The following KIRREL3 variants were observed in gnomAD, a reference collection of about 807,000 sequenced individuals.
KIRREL3 encodes the protein kin of IRRE-like protein 3.
A neutral mutation model predicts 89.7 loss-of-function variants in KIRREL3; 36 were observed. The observed-to-expected ratio is 0.40, with a 90% CI of 0.31 to 0.53. The LOEUF (loss-of-function observed/expected upper bound fraction) is 0.53, where lower values mean the gene tolerates loss of function less well. Among genes scored for constraint, KIRREL3 ranks in the 20% least tolerant of loss-of-function variants. The probability of loss-of-function intolerance (pLI) is 0.49; values close to 1 mark genes in which losing one functional copy is unlikely to be tolerated. For missense variants in KIRREL3, 864 were observed against 1,056.6 expected, an observed-to-expected ratio of 0.82 and a Z score of 2.53; for synonymous variants, 445 against 441.4, an observed-to-expected ratio of 1.01 and a Z score of -0.10.
intron 5 of KIRREL3, among the ~76,000 whole-genome samples, chr11:126,464,155 T>C (rs1038986183): frequency 2.6e-5 from 4 of 151,996 alleles, no homozygotes; most frequent in Non-Finnish European, 1.5e-5. Context: ...GCTCTTGAGA[T>C]GAGGTCATAC....
At chr11:126,488,625 C>T (rs902350809) in intron 4 of KIRREL3, among the ~76,000 whole-genome samples, 3 of 152,196 alleles carry the variant, frequency 2.0e-5, no homozygotes, top group Non-Finnish European at 4.4e-5. Context: ...TGGAAGGAGC[C>T]GCGGCTTCCA....
At chr11:126,637,807 T>C (rs546285996) in intron 1 of KIRREL3, among the ~76,000 whole-genome samples, 1 of 152,292 alleles carries the variant, frequency 6.6e-6, no homozygotes, top group African/African-American at 2.4e-5. Flanking sequence ...CTAGGAAACA[T>C]TTACACAATG....
Position 126,486,537 on chromosome 11 carries a change from C to T in KIRREL3, c.434-13071G>A, listed in dbSNP as rs111821794. Reference sequence around the variant, plus strand: ...GCTCACAAAGCTCTCCAGCTGGTTTCGACCTTAACCTGATTTGGGGTCTCT... The same window carrying T: ...GCTCACAAAGCTCTCCAGCTGGTTTTGACCTTAACCTGATTTGGGGTCTCT... On this transcript the variant is annotated intron_variant, in intron 4 of 16. Transcript: ENST00000525144. This position sits in a 1 kb window ranked among gnomAD's most constrained non-coding sequence, Gnocchi z 6.2. Among the ~76,000 whole-genome samples, 225 of 152,358 alleles carry T rather than the reference C, an allele frequency of 1.5e-3. 3 individuals are homozygous for T. Among genetic ancestry groups the T allele is most frequent in the African/African-American group, 5.3e-3 (220 of 41,590 alleles).
rs1010461262 is a variant in KIRREL3 at position 126,783,979 on chromosome 11, C to A, written c.55+216476G>T. Among the ~76,000 whole-genome samples, 7 of 152,190 alleles carry A rather than the reference C, an allele frequency of 4.6e-5. No individual in the cohort carries two copies. The highest frequency in any genetic ancestry group is 3.9e-4 in the Admixed American group (6 of 15,282). ...TTGTCTTTGTGGTCTTCCCCCTCGA[C>A]CTCAGTGTAATCTTGAAAAGAGCAT... On this transcript the variant is annotated intron_variant, in intron 1 of 16. Coordinates refer to ENST00000525144, the MANE Select transcript of KIRREL3 (RefSeq NM_032531.4). The surrounding 1 kb of genome is among the most constrained non-coding windows in gnomAD (Gnocchi z 4.3).
chr11:126,997,880 T>C lies in KIRREL3; in HGVS notation c.55+2575A>G, dbSNP rs1299524565. On this transcript the variant is annotated intron_variant, in intron 1 of 16. Coordinates refer to ENST00000525144, the MANE Select transcript of KIRREL3 (RefSeq NM_032531.4). This position sits in a 1 kb window ranked among gnomAD's most constrained non-coding sequence, Gnocchi z 4.3. The stretch of plus-strand genomic sequence containing the variant: ...CCAGATAAGGCACTAAAAACAACCC[T>C]GGACATTTGTTGTCTCTGAGGGAAA... 1.3e-5 allele frequency among the ~76,000 whole-genome samples: 2 copies of C among 152,152 alleles called. No homozygotes were observed. Among genetic ancestry groups the C allele is most frequent in the East Asian group, 3.9e-4 (2 of 5,188 alleles).
Position 126,978,765 on chromosome 11 carries a change from T to C in KIRREL3, c.55+21690A>G, listed in dbSNP as rs1345069073. Among the ~76,000 whole-genome samples the C allele has an allele frequency of 1.3e-5, 2 of 152,188 alleles. No individual in the cohort carries two copies. The highest frequency in any genetic ancestry group is 2.4e-5 in the African/African-American group (1 of 41,446). On this transcript the variant is annotated intron_variant, in intron 1 of 16. Coordinates refer to ENST00000525144, the MANE Select transcript of KIRREL3 (RefSeq NM_032531.4). The surrounding 1 kb of genome is among the most constrained non-coding windows in gnomAD (Gnocchi z 4.2). ...TGAGCTCTGTTCCCCCAAGGTGGGC[T>C]AGGCAACCCTAGTGTCTGCTCCCAC...
chr11:126,918,347 C>T lies in KIRREL3; in HGVS notation c.55+82108G>A, dbSNP rs34729469. ...ACTTTGCCACACCATGGTACCTCCCCCTGCATTTATTTTGGCAATTTGGTG... is the reference window on the plus strand; with the variant it reads ...ACTTTGCCACACCATGGTACCTCCCTCTGCATTTATTTTGGCAATTTGGTG... On this transcript the variant is annotated intron_variant, in intron 1 of 16. Transcript: ENST00000525144. The surrounding 1 kb of genome is among the most constrained non-coding windows in gnomAD (Gnocchi z 6.5). Among the ~76,000 whole-genome samples, 2,090 of 152,260 alleles carry T rather than the reference C, an allele frequency of 0.014. 39 individuals are homozygous for T. The highest frequency in any genetic ancestry group is 0.017 in the Non-Finnish European group (1,185 of 68,022).
At chr11:126,540,863 G>A (rs1409338234) in intron 2 of KIRREL3, among the ~76,000 whole-genome samples, 1 of 152,206 alleles carries the variant, frequency 6.6e-6, no homozygotes, top group Admixed American at 6.5e-5. Flanking sequence ...GGCCAGCCAT[G>A]GGACCCTGGC....
chr11:126,923,253 TTCTTCTTCTTCTTCTCCTTCTCC>T lies in KIRREL3; in HGVS notation c.55+77179_55+77201del. 6.8e-5 allele frequency among the ~76,000 whole-genome samples: 7 copies of T among 102,676 alleles called. 1 individual carries two copies. The highest frequency in any genetic ancestry group is 1.3e-4 in the African/African-American group (3 of 23,002). The allele number at this position is 102,676 out of a possible 152,430, so 67.4% of individuals were successfully genotyped here. A position where few individuals can be genotyped will look rare whatever the true frequency, so the allele number is the denominator to read the frequency against. ...CTTCTTCTTCTTCTTCTTCTTCTTC[TTCTTCTTCTTCTTCTCCTTCTCC>T]TTCTCCTTCTCCTTCTCCTTCTTCC... is the stretch of plus-strand genomic sequence containing the variant. On this transcript the variant is annotated intron_variant, in intron 1 of 16. Coordinates refer to ENST00000525144, the MANE Select transcript of KIRREL3 (RefSeq NM_032531.4).
chr11:126,840,746 G>A (rs2134521618), intron 1 of KIRREL3, among the ~76,000 whole-genome samples: 1 of 152,280 alleles, frequency 6.6e-6, no homozygotes, highest in African/African-American at 2.4e-5. Flanking sequence ...CTATTTGCCT[G>A]TAAGTCACTC....
rs559953525 is a variant in KIRREL3 at position 126,756,140 on chromosome 11, A to C, written c.56-193228T>G. 2.0e-5 allele frequency among the ~76,000 whole-genome samples: 3 copies of C among 152,338 alleles called. No individual in the cohort carries two copies. In the South Asian group the frequency reaches 6.2e-4, roughly 32 times the overall value. On this transcript the variant is annotated intron_variant, in intron 1 of 16. Transcript: ENST00000525144. Reference sequence around the variant, plus strand: ...ATATTGTTAACATTAATATATACATATTTATAACTCGATGAAGCCAGACAT... The same window carrying C: ...ATATTGTTAACATTAATATATACATCTTTATAACTCGATGAAGCCAGACAT...
At position 126,465,104 on chromosome 11, in the gene KIRREL3, T is replaced by C. The variant is rs1650094218; in HGVS notation, c.592-1797A>G. Among the ~76,000 whole-genome samples the C allele has an allele frequency of 9.9e-5, 15 of 152,120 alleles. No individual in the cohort carries two copies. The South Asian group carries it at 3.1e-3, about 32-fold the overall frequency. ...GTGGGGGTGCACTTCCAGGTTGGGA[T>C]TGGGGTCTGGTCAGTATGCAAAGGC... On this transcript the variant is annotated intron_variant, in intron 5 of 16. Transcript: ENST00000525144.
chr11:126,489,178 G>A lies in KIRREL3; in HGVS notation c.434-15712C>T, dbSNP rs1021813561. The stretch of plus-strand genomic sequence containing the variant: ...CAGGACGGAAGCTGTAGATGGATGC[G>A]CTGCGTTTGCGGTGGAGAGCCGGCT... On this transcript the variant is annotated intron_variant, in intron 4 of 16. Transcript: ENST00000525144. The surrounding 1 kb of genome is among the most constrained non-coding windows in gnomAD (Gnocchi z 5.5). Among the ~76,000 whole-genome samples, 3 of 152,190 alleles carry A rather than the reference G, an allele frequency of 2.0e-5. No homozygotes were observed. Among genetic ancestry groups the A allele is most frequent in the East Asian group, 1.9e-4 (1 of 5,178 alleles).
At chr11:126,848,701 A>G (rs1294217027) in intron 1 of KIRREL3, among the ~76,000 whole-genome samples, 1 of 152,186 alleles carries the variant, frequency 6.6e-6, no homozygotes, top group Non-Finnish European at 1.5e-5. Flanking sequence ...TCTGTGTAGG[A>G]ATGCAGAATA....
rs1592141356 is a variant in KIRREL3, at chr11:126,797,150, A to T, written c.55+203305T>A. On this transcript the variant is annotated intron_variant, in intron 1 of 16. Transcript: ENST00000525144. The surrounding 1 kb of genome is among the most constrained non-coding windows in gnomAD (Gnocchi z 4.9). ...GAGTTAGCAAATCAGAGGCTTGGGGATGTGGCACTGAATTTGGGGCTGTGT... is the reference window on the plus strand; with the variant it reads ...GAGTTAGCAAATCAGAGGCTTGGGGTTGTGGCACTGAATTTGGGGCTGTGT... Among the ~76,000 whole-genome samples, 1 of 152,106 alleles carries T rather than the reference A, an allele frequency of 6.6e-6. No homozygotes were observed. Among genetic ancestry groups the T allele is most frequent in the African/African-American group, 2.4e-5 (1 of 41,426 alleles).
rs569823955 is a variant in KIRREL3 at position 126,531,791 on chromosome 11, G to A, written c.134-5104C>T. 6.6e-6 allele frequency among the ~76,000 whole-genome samples: 1 copy of A among 152,300 alleles called. No homozygotes were observed. Among genetic ancestry groups the A allele is most frequent in the South Asian group, 2.1e-4 (1 of 4,820 alleles). On this transcript the variant is annotated intron_variant, in intron 2 of 16. Transcript: ENST00000525144. This position sits in a 1 kb window ranked among gnomAD's most constrained non-coding sequence, Gnocchi z 4.7. ...AAGGAAGAAACAGTGTACACTTCTT[G>A]AGGGCAGGGGCCACAGCTATCTTTT...
Position 126,563,045 on chromosome 11 carries a change from G to T in KIRREL3, c.56-133C>A. The T allele has an allele frequency of 1.8e-6, 1 of 560,076 alleles. No homozygotes were observed. The highest frequency in any genetic ancestry group is 3.1e-5 in the South Asian group (1 of 32,490). The allele number at this position is 560,076 out of a possible 1,614,324, so 34.7% of individuals were successfully genotyped here. Reference sequence around the variant, plus strand: ...GCTTTTGTTTAGCCAACATTTATATGGAAATTGTTATGTTCCAGGCATAAG... The same window carrying T: ...GCTTTTGTTTAGCCAACATTTATATTGAAATTGTTATGTTCCAGGCATAAG... On this transcript the variant is annotated intron_variant, in intron 1 of 16. Coordinates refer to ENST00000525144, the MANE Select transcript of KIRREL3 (RefSeq NM_032531.4). The surrounding 1 kb of genome is among the most constrained non-coding windows in gnomAD (Gnocchi z 6.8).
rs534298206 is a variant in KIRREL3, at chr11:126,551,272, T to C, written c.133+11563A>G. 6.6e-5 allele frequency among the ~76,000 whole-genome samples: 10 copies of C among 152,132 alleles called. No homozygotes were observed. In the South Asian group the frequency reaches 2.1e-3, roughly 32 times the overall value. On this transcript the variant is annotated intron_variant, in intron 2 of 16. Transcript: ENST00000525144. The surrounding 1 kb of genome is among the most constrained non-coding windows in gnomAD (Gnocchi z 4.9). Reference sequence around the variant, plus strand: ...CTTCCCCTAGGGTGTGAGGCGGGACTCTCTCAGGGAAGGGTCTTAAGACCC... The same window carrying C: ...CTTCCCCTAGGGTGTGAGGCGGGACCCTCTCAGGGAAGGGTCTTAAGACCC...
In KIRREL3 at chr11:126,635,258, T is replaced by C. The variant is rs1324772205; in HGVS notation, c.56-72346A>G. 6.6e-6 allele frequency among the ~76,000 whole-genome samples: 1 copy of C among 152,018 alleles called. No individual in the cohort carries two copies. The highest frequency in any genetic ancestry group is 1.5e-5 in the Non-Finnish European group (1 of 68,010). On this transcript the variant is annotated intron_variant, in intron 1 of 16. Coordinates refer to ENST00000525144, the MANE Select transcript of KIRREL3 (RefSeq NM_032531.4). This position sits in a 1 kb window ranked among gnomAD's most constrained non-coding sequence, Gnocchi z 4.0. Reference sequence around the variant, plus strand: ...CCCTTCTAAATCCACTCATGGGGGGTGCCAGGTGCTTCCCTCCAAGGCAGA... The same window carrying C: ...CCCTTCTAAATCCACTCATGGGGGGCGCCAGGTGCTTCCCTCCAAGGCAGA...
Sources: allele counts gnomAD v4.1 joint callset (sites outside exome capture counted in the v4.1 genomes callset), GRCh38; gene constraint gnomAD v4.1.1; non-coding constraint Gnocchi (gnomAD v3.1); transcripts MANE v1.5; gene names NCBI Gene and HGNC (gene_info 2026-07-23, HGNC 2026-07-21).